The following ANAPC5 variants were observed in gnomAD, a reference collection of about 807,000 sequenced individuals.
The protein encoded by ANAPC5 is anaphase promoting complex subunit 5.
Under a neutral mutation model 91.3 loss-of-function variants are expected in ANAPC5, and 60 were observed. That is an observed-to-expected ratio of 0.66 (90% CI 0.53 to 0.81). The LOEUF is 0.81. Ranked by LOEUF, ANAPC5 falls within the 40% of genes least tolerant of loss-of-function variation. The probability of loss-of-function intolerance (pLI) is 0.00; values close to 1 mark genes in which losing one functional copy is unlikely to be tolerated. For missense variants in ANAPC5, 690 were observed against 931.5 expected (o/e 0.74, Z 3.37); for synonymous variants, 340 against 364.1 (o/e 0.93, Z 0.75).
At chr12:121,317,270 T>G (rs1184511590) in intron 15 of ANAPC5, among the ~76,000 whole-genome samples, 1 of 148,918 alleles carries the variant, frequency 6.7e-6, no homozygotes, top group Non-Finnish European at 1.5e-5. Context: ...TTTTTTTTTT[T>G]GAGATGGAGT....
intron 5 of ANAPC5, among the ~76,000 whole-genome samples, chr12:121,339,167 T>C (rs1903353791): frequency 1.3e-5 from 2 of 151,154 alleles, no homozygotes; most frequent in African/African-American, 4.9e-5. Flanking sequence ...TGATTCTTCT[T>C]GAATCCCAAG....
intron 2 of ANAPC5, 69 bp downstream of exon 2, chr12:121,347,733 C>T (rs1903725225): frequency 8.2e-7 from 1 of 1,222,984 alleles, no homozygotes; most frequent in Middle Eastern, 1.9e-4. Flanking sequence ...AATTAACTAC[C>T]ACATACCCTT....
intron 1 of ANAPC5, among the ~76,000 whole-genome samples, chr12:121,348,609 G>A (rs1555274932): frequency 6.6e-6 from 1 of 152,102 alleles, no homozygotes; most frequent in Non-Finnish European, 1.5e-5. Flanking sequence ...AGGTTGCAGT[G>A]AGCCAAGATC....
chr12:121,342,040 A>T lies in ANAPC5; in HGVS notation c.620T>A (p.Leu207Gln). 6.2e-7 allele frequency: 1 copy of T among 1,610,596 alleles called. No homozygotes were observed. The highest frequency in any genetic ancestry group is 8.5e-7 in the Non-Finnish European group (1 of 1,179,434). ...REEEVSCSGP[L>Q]SQKQAEFFLS... ...AAAAAATTCTGCTTGTTTTTGGGACAGAGGCCCACTGCAAGATACCTCCTC... is the reference window on the plus strand; with the variant it reads ...AAAAAATTCTGCTTGTTTTTGGGACTGAGGCCCACTGCAAGATACCTCCTC... The change falls in exon 5 of 17, where the codon CTG (leucine) becomes CAG (glutamine). Residue 207 changes from leucine to glutamine, a missense_variant. This residue lies in a region of ANAPC5 where 238 missense variants were observed against 264.9 expected (regional missense o/e 0.90). Coordinates refer to ENST00000261819, the MANE Select transcript of ANAPC5 (RefSeq NM_016237.5). The surrounding 1 kb of genome is among the most constrained non-coding windows in gnomAD (Gnocchi z 4.1).
intron 1 of ANAPC5, among the ~76,000 whole-genome samples, chr12:121,350,345 C>T (rs557408041): frequency 1.3e-5 from 2 of 152,328 alleles, no homozygotes; most frequent in East Asian, 3.9e-4. Flanking sequence ...TGTTACTCAA[C>T]AGACAATGCT....
chr12:121,333,377 C>T (rs553845332), intron 7 of ANAPC5: 1 of 152,234 alleles, frequency 6.6e-6, no homozygotes, highest in African/African-American at 2.4e-5. Flanking sequence ...AGGCTGTGTA[C>T]AAATTTCTAA....
chr12:121,308,711 AAC>A lies in ANAPC5; in HGVS notation c.2057-22_2057-21del. 1 of 1,597,846 alleles carries A rather than the reference AAC, an allele frequency of 6.3e-7. No homozygotes were observed. Among genetic ancestry groups the A allele is most frequent in the South Asian group, 1.1e-5 (1 of 90,724 alleles). ...CCAGAGCTGACGGAAAGGGGAAAAT[AAC>A]ACACACATTTAACTCAACCCTTCAC... On this transcript the variant is annotated intron_variant, in intron 16 of 16. Transcript: ENST00000261819.
In ANAPC5 at chr12:121,318,430, C is replaced by T. The variant is rs762243013; in HGVS notation, c.1746-6G>A. On this transcript the variant is annotated splice_region_variant and splice_polypyrimidine_tract_variant and intron_variant, in intron 14 of 16. Coordinates refer to ENST00000261819, the MANE Select transcript of ANAPC5 (RefSeq NM_016237.5). Reference sequence around the variant, plus strand: ...CTGCCACGGACAGTAGGACACTGACCGTAAAGAGGAAAACACAGGATGAGA... The same window carrying T: ...CTGCCACGGACAGTAGGACACTGACTGTAAAGAGGAAAACACAGGATGAGA... 2 of 1,610,268 alleles carry T rather than the reference C, an allele frequency of 1.2e-6. No homozygotes were observed. Among genetic ancestry groups the T allele is most frequent in the South Asian group, 2.2e-5 (2 of 90,664 alleles).
In ANAPC5 at chr12:121,319,800, G is replaced by C. The variant is rs552135290; in HGVS notation, c.1534C>G (p.Gln512Glu). The change falls in exon 13 of 17, where the codon CAA becomes GAA. Residue 512 changes from glutamine (Q) to glutamate (E), a missense_variant. Transcript: ENST00000261819. Reference protein sequence around the residue: ...QHAQLWMLCDQKIQFDRAMND... With the variant: ...QHAQLWMLCDEKIQFDRAMND... ...ATTGCTCTGTCAAACTGTATTTTTT[G>C]ATCACATAGCATCCATAACTAGTAA... The C allele has an allele frequency of 6.2e-7, 1 of 1,607,408 alleles. No homozygotes were observed. The highest frequency in any genetic ancestry group is 1.1e-5 in the South Asian group (1 of 89,402).
At chr12:121,319,944 G>T in intron 12 of ANAPC5, 126 bp from the exon 13 acceptor site, 2 of 977,074 alleles carry the variant, frequency 2.0e-6, no homozygotes, top group South Asian at 2.1e-5. Flanking sequence ...TTTTTTGGGG[G>T]GATTTAAAAT....
Position 121,308,268 on chromosome 12 carries a change from TAAG to T in ANAPC5, c.*209_*211del, listed in dbSNP as rs1285374864. Reference sequence around the variant, plus strand: ...ACTTGTTAGCAAAATACCCATTTATTAAGAAAAAGTTGGTGTCCTTTGCTACCA... The same window carrying T: ...ACTTGTTAGCAAAATACCCATTTATTAAAAAGTTGGTGTCCTTTGCTACCA... On this transcript the variant is annotated 3_prime_UTR_variant, in exon 17 of 17. Coordinates refer to ENST00000261819, the MANE Select transcript of ANAPC5 (RefSeq NM_016237.5). 23 of 538,114 alleles carry T rather than the reference TAAG, an allele frequency of 4.3e-5. No individual in the cohort carries two copies. The highest frequency in any genetic ancestry group is 6.7e-5 in the Non-Finnish European group (20 of 300,260). 33.3% of individuals were successfully genotyped at this position (538,114 alleles called of 1,614,324 possible).
At chr12:121,340,912 A>G (rs1003863137) in intron 5 of ANAPC5, among the ~76,000 whole-genome samples, 8 of 152,120 alleles carry the variant, frequency 5.3e-5, no homozygotes, top group Non-Finnish European at 1.2e-4. Context: ...GAAAGCTCAT[A>G]ACAAAATTAG....
chr12:121,327,143 ACT>A lies in ANAPC5; in HGVS notation c.1391_1392del (p.Glu464ValfsTer24). ...VNAGVQQNNT[E>X]SFAVALCHLA... is the part of the protein sequence containing the mutation. Reference sequence around the variant, plus strand: ...AGGTGGCAGAGTGCGACAGCAAAGGACTCTGTGTTGTTCTGCTGCACGCCCGC... The same window carrying A: ...AGGTGGCAGAGTGCGACAGCAAAGGACTGTGTTGTTCTGCTGCACGCCCGC... On this transcript the variant is annotated frameshift_variant, in exon 11 of 17. Coordinates refer to ENST00000261819, the MANE Select transcript of ANAPC5 (RefSeq NM_016237.5). LOFTEE classifies it high-confidence loss of function. 6.2e-7 allele frequency: 1 copy of A among 1,612,794 alleles called. No individual in the cohort carries two copies. Among genetic ancestry groups the A allele is most frequent in the Non-Finnish European group, 8.5e-7 (1 of 1,179,852 alleles).
intron 5 of ANAPC5, among the ~76,000 whole-genome samples, chr12:121,338,591 A>AAAAAC (rs1305486842): frequency 2.0e-5 from 3 of 152,198 alleles, no homozygotes; most frequent in Non-Finnish European, 2.9e-5. Flanking sequence ...TCAGTCTCAA[A>AAAAAC]AAAACAAAAC....
intron 11 of ANAPC5, among the ~76,000 whole-genome samples, chr12:121,322,796 G>A (rs1902670005): frequency 6.6e-6 from 1 of 152,132 alleles, no homozygotes; most frequent in South Asian, 2.1e-4. Context: ...GCCAAGGAGG[G>A]CAGATCACTT....
At chr12:121,318,250 G>A in intron 15 of ANAPC5, 27 bp downstream of exon 15, 2 of 1,501,086 alleles carry the variant, frequency 1.3e-6, no homozygotes, top group Non-Finnish European at 1.8e-6. Context: ...GCACAAATAT[G>A]TGCTATAAAA....
rs561555287 is a variant in ANAPC5 at position 121,325,845 on chromosome 12, C to A, written c.1440+1251G>T. Among the ~76,000 whole-genome samples, 450 of 152,290 alleles carry A rather than the reference C, an allele frequency of 3.0e-3. 1 individual carries two copies. The Middle Eastern group carries it at 0.031, about 10-fold the overall frequency. Reference sequence around the variant, plus strand: ...TCGTGCCACTGCACTCCAGACTGGGCGACAGAGCGACACTCCGTTTCAAAA... The same window carrying A: ...TCGTGCCACTGCACTCCAGACTGGGAGACAGAGCGACACTCCGTTTCAAAA... On this transcript the variant is annotated intron_variant, in intron 11 of 16. Transcript: ENST00000261819.
chr12:121,335,903 C>T (rs894840022), intron 6 of ANAPC5, among the ~76,000 whole-genome samples, 180 bp from the exon 7 acceptor site: 50 of 152,228 alleles, frequency 3.3e-4, no homozygotes, highest in Admixed American at 2.8e-3. Context: ...GACACATTCC[C>T]CCTAGAGGGA....
intron 3 of ANAPC5, 25 bp from the exon 4 acceptor site, chr12:121,346,056 G>A (rs782104727): frequency 6.3e-7 from 1 of 1,577,324 alleles, no homozygotes; most frequent in Non-Finnish European, 8.6e-7. Flanking sequence ...GAGAGACAAG[G>A]GGAAAGCATT....
Sources: allele counts gnomAD v4.1 joint callset (sites outside exome capture counted in the v4.1 genomes callset), GRCh38; gene constraint gnomAD v4.1.1; regional missense constraint gnomAD v4.1.1; non-coding constraint Gnocchi (gnomAD v3.1); transcripts MANE v1.5; gene names NCBI Gene and HGNC (gene_info 2026-07-23, HGNC 2026-07-21).